Variants in AP3B1 observed in about 807,000 individuals in gnomAD.
AP3B1 encodes AP-3 complex subunit beta-1.
In AP3B1, 61 loss-of-function variants were observed where a neutral mutation model predicts 132.5. The ratio of observed to expected loss-of-function variants is 0.46; its 90% CI spans 0.37 to 0.57. The LOEUF (loss-of-function observed/expected upper bound fraction) is 0.57, where lower values mean the gene tolerates loss of function less well. AP3B1 is among the 20% of genes least tolerant of loss of function. AP3B1 has a pLI of 0.00. For missense variants in AP3B1, 1,120 were observed against 1,289.4 expected, an observed-to-expected ratio of 0.87 and a Z score of 2.01; for synonymous variants, 388 against 438.3, an observed-to-expected ratio of 0.89 and a Z score of 1.43.
At chr5:78,116,090 T>C (rs752141890) in intron 18 of AP3B1, 36 bp downstream of exon 18, 12 of 1,426,198 alleles carry the variant, frequency 8.4e-6, no homozygotes, top group Admixed American at 8.4e-5. Context: ...TAATCTACTA[T>C]GTAAATAATA....
chr5:78,088,746 C>T (rs563461496), intron 22 of AP3B1, among the ~76,000 whole-genome samples: 4 of 152,236 alleles, frequency 2.6e-5, no homozygotes, highest in South Asian at 4.1e-4. Context: ...ACATCTTAGG[C>T]GCAGCGTGCT....
chr5:78,252,061 G>A (rs966461533), intron 2 of AP3B1, among the ~76,000 whole-genome samples: 1 of 152,122 alleles, frequency 6.6e-6, no homozygotes, highest in Admixed American at 6.5e-5. Context: ...ACTCCCAGAC[G>A]ACATTCCTAG....
chr5:78,207,674 C>A (rs34514045), intron 7 of AP3B1, among the ~76,000 whole-genome samples: 1 of 151,776 alleles, frequency 6.6e-6, no homozygotes, highest in Non-Finnish European at 1.5e-5. Flanking sequence ...CTGATTAATT[C>A]TCAAAGACTT....
intron 14 of AP3B1, among the ~76,000 whole-genome samples, chr5:78,142,835 A>G (rs1226366768): frequency 1.3e-5 from 2 of 152,158 alleles, no homozygotes; most frequent in African/African-American, 4.8e-5. Context: ...CTATTCATGC[A>G]GTGTGATAAA....
chr5:78,088,003 C>T (rs1296576888), intron 22 of AP3B1, among the ~76,000 whole-genome samples: 7 of 152,182 alleles, frequency 4.6e-5, no homozygotes, highest in Non-Finnish European at 7.3e-5. Context: ...TGCCCACAGT[C>T]ACATAGCTAT....
At chr5:78,198,170 C>A (rs945555055) in intron 7 of AP3B1, among the ~76,000 whole-genome samples, 1 of 152,190 alleles carries the variant, frequency 6.6e-6, no homozygotes, top group Non-Finnish European at 1.5e-5. Flanking sequence ...AATTCCAAGG[C>A]AGCCTGAAGG....
chr5:78,198,976 T>G (rs1745182605), intron 7 of AP3B1, among the ~76,000 whole-genome samples: 1 of 152,242 alleles, frequency 6.6e-6, no homozygotes, highest in South Asian at 2.1e-4. Flanking sequence ...TTTGAGATTT[T>G]TTTTCCTTCT....
chr5:78,122,882 T>C (rs1752284764), intron 17 of AP3B1, among the ~76,000 whole-genome samples: 2 of 152,228 alleles, frequency 1.3e-5, no homozygotes, highest in Non-Finnish European at 2.9e-5. Flanking sequence ...AGAGTCCGCA[T>C]CGCCAAGTCA....
intron 2 of AP3B1, among the ~76,000 whole-genome samples, chr5:78,256,721 G>T (rs1370475326): frequency 1.3e-5 from 2 of 151,996 alleles, no homozygotes; most frequent in Non-Finnish European, 2.9e-5. Flanking sequence ...CAAGGAAAAA[G>T]AAAATGACAC....
chr5:78,250,062 G>A (rs1747566130), intron 2 of AP3B1, among the ~76,000 whole-genome samples: 1 of 152,096 alleles, frequency 6.6e-6, no homozygotes, highest in Admixed American at 6.5e-5. Context: ...TAGGAAACAA[G>A]CATCTACCAA....
At chr5:78,236,315 C>T (rs1023259896) in intron 3 of AP3B1, among the ~76,000 whole-genome samples, 1 of 151,798 alleles carries the variant, frequency 6.6e-6, no homozygotes, top group Non-Finnish European at 1.5e-5. Flanking sequence ...CCACCAATTT[C>T]TAAGGACTTC....
intron 22 of AP3B1, among the ~76,000 whole-genome samples, chr5:78,052,874 A>G (rs1472014796): frequency 2.0e-5 from 3 of 152,250 alleles, no homozygotes; most frequent in Non-Finnish European, 4.4e-5. Flanking sequence ...TATACTATTC[A>G]TACATATGTT....
intron 7 of AP3B1, among the ~76,000 whole-genome samples, chr5:78,181,908 G>T (rs911251679): frequency 6.6e-6 from 1 of 152,006 alleles, no homozygotes; most frequent in Admixed American, 6.6e-5. Flanking sequence ...GTAAATTTTT[G>T]ACTATTAAAT....
intron 8 of AP3B1, among the ~76,000 whole-genome samples, chr5:78,181,052 GACAGAT>G (rs1471208108): frequency 6.6e-6 from 1 of 151,910 alleles, no homozygotes; most frequent in Non-Finnish European, 1.5e-5. Context: ...AATTCTATCA[GACAGAT>G]ACAAACAGTA....
intron 22 of AP3B1, 57 bp downstream of exon 22, chr5:78,089,336 A>G: frequency 7.9e-7 from 1 of 1,273,864 alleles, no homozygotes; most frequent in East Asian, 2.4e-5. Flanking sequence ...ATTTTAATAA[A>G]AAAGATACAA....
chr5:78,252,875 G>A (rs184117019), intron 2 of AP3B1, among the ~76,000 whole-genome samples: 19 of 152,362 alleles, frequency 1.2e-4, no homozygotes, highest in African/African-American at 4.6e-4. Context: ...CCAGGGCCTT[G>A]AGCAAACATG....
chr5:78,150,341 A>C (rs1441635672), intron 14 of AP3B1, among the ~76,000 whole-genome samples: 1 of 152,238 alleles, frequency 6.6e-6, no homozygotes, highest in Non-Finnish European at 1.5e-5. Context: ...TAGTTAGCGT[A>C]GTCCAATGCT....
At chr5:78,047,108 A>G (rs1039953761) in intron 22 of AP3B1, among the ~76,000 whole-genome samples, 1 of 152,118 alleles carries the variant, frequency 6.6e-6, no homozygotes, top group Non-Finnish European at 1.5e-5. Context: ...TCATTGATGG[A>G]CATTTGGGTT....
chr5:78,171,476 T>C (rs1241954363), intron 11 of AP3B1, among the ~76,000 whole-genome samples: 2 of 152,180 alleles, frequency 1.3e-5, no homozygotes, highest in African/African-American at 4.8e-5. Context: ...GATTCCTAGG[T>C]ATTTTATTCT....
Sources: gnomAD v4.1 joint callset for allele counts (sites outside exome capture counted in the v4.1 genomes callset) on GRCh38, gnomAD v4.1.1 for gene constraint, MANE v1.5 for transcripts, NCBI Gene and HGNC (gene_info 2026-07-23, HGNC 2026-07-21) for gene names.